AVEN: variants seen among roughly 807,000 people sequenced by gnomAD.
AVEN encodes the protein cell death regulator Aven.
In AVEN, 41 loss-of-function variants were observed where a neutral mutation model predicts 38.1. That is an observed-to-expected ratio of 1.08 (90% CI 0.84 to 1.40). The LOEUF is 1.40. Among genes scored for constraint, AVEN ranks in the 40% most tolerant of loss-of-function variants. The pLI, the probability that AVEN is intolerant of heterozygous loss-of-function variation, is 0.00. For missense variants in AVEN, 605 were observed against 438.8 expected (o/e 1.38, Z -3.38); for synonymous variants, 206 against 171.8 (o/e 1.20, Z -1.56).
rs569907934 is a variant in AVEN at position 33,899,560 on chromosome 15, C to A, written c.446-23565G>T. ...TCTCAGCTCACCGCAACCTCCGCCTCCCGGGTTCATGCCATTCTCCTGCTC... is the reference window on the plus strand; with the variant it reads ...TCTCAGCTCACCGCAACCTCCGCCTACCGGGTTCATGCCATTCTCCTGCTC... On this transcript the variant is annotated intron_variant, in intron 2 of 5. Coordinates refer to ENST00000306730, the MANE Select transcript of AVEN (RefSeq NM_020371.3). Among the ~76,000 whole-genome samples, 109 of 146,610 alleles carry A rather than the reference C, an allele frequency of 7.4e-4. 1 individual carries two copies. Among genetic ancestry groups the A allele is most frequent in the African/African-American group, 2.5e-3 (100 of 39,226 alleles).
chr15:33,937,293 G>C (rs1274494914), intron 2 of AVEN, among the ~76,000 whole-genome samples: 1 of 151,860 alleles, frequency 6.6e-6, no homozygotes, highest in African/African-American at 2.4e-5. Context: ...CCAGCACTTT[G>C]GGAGGCCGAG....
intron 2 of AVEN, among the ~76,000 whole-genome samples, chr15:33,983,209 T>C (rs919827472): frequency 0.28 from 10,312 of 36,956 alleles, 812 homozygotes; most frequent in African/African-American, 0.44. Context: ...TGTATATATA[T>C]ATATACATAT....
chr15:34,062,572 A>T, intron 5 of AVEN: 1 of 657,354 alleles, frequency 1.5e-6, no homozygotes. Flanking sequence ...AAAAAAAAAA[A>T]AACTATAAAC....
chr15:34,004,899 A>G (rs1180606715), intron 1 of AVEN, among the ~76,000 whole-genome samples: 2 of 152,166 alleles, frequency 1.3e-5, no homozygotes, highest in Non-Finnish European at 2.9e-5. Context: ...AACATTACAA[A>G]ATCCTTATCA....
chr15:33,948,163 T>C (rs1010212259), intron 2 of AVEN, among the ~76,000 whole-genome samples: 1 of 151,284 alleles, frequency 6.6e-6, no homozygotes, highest in Admixed American at 6.6e-5. Context: ...AGTGGCATGA[T>C]CTCGGCTCAC....
chr15:33,922,987 T>C (rs1178063862), intron 2 of AVEN, among the ~76,000 whole-genome samples: 1 of 152,216 alleles, frequency 6.6e-6, no homozygotes, highest in Non-Finnish European at 1.5e-5. Context: ...CTCATGTATA[T>C]GTGTATATAT....
Position 33,866,720 on chromosome 15 carries a change from T to C in AVEN, c.982A>G (p.Lys328Glu). The stretch of plus-strand genomic sequence containing the variant: ...TTTTTTTCTTCAGTCACAGATGGTT[T>C]TGCACAAACTGGGGGAAAAAAAACA... ...EVVQEEEVCAKPSVTEEKNME... is the reference protein window; with the variant it reads ...EVVQEEEVCAEPSVTEEKNME... Residue 328 changes from lysine (K) to glutamate (E), a missense_variant, in exon 6 of 6, where the codon AAA becomes GAA. Lys to Glu is a moderately conservative substitution (Grantham distance 56). Coordinates refer to ENST00000306730, the MANE Select transcript of AVEN (RefSeq NM_020371.3). 1 of 1,612,960 alleles carries C rather than the reference T, an allele frequency of 6.2e-7. No individual in the cohort carries two copies. The highest frequency in any genetic ancestry group is 8.5e-7 in the Non-Finnish European group (1 of 1,179,030).
At chr15:34,051,484 C>T (rs892044147) in intron 5 of AVEN, among the ~76,000 whole-genome samples, 3 of 152,084 alleles carry the variant, frequency 2.0e-5, no homozygotes, top group African/African-American at 7.2e-5. Flanking sequence ...CAAGAAATAA[C>T]TAAGATCAGA....
rs975023815 is a variant in AVEN at position 33,859,673 on chromosome 15, T to G, written n.2730-579A>C. 3.1e-6 allele frequency: 5 copies of G among 1,613,826 alleles called. No homozygotes were observed. In the African/African-American group the frequency reaches 4.0e-5, roughly 13 times the overall value. On this transcript the variant is annotated intron_variant and non_coding_transcript_variant, in intron 11 of 11. Transcript: ENST00000675287. Reference sequence around the variant, plus strand: ...GTGATCCTTATGAAATGTATCGCATTGTCTTTGACATTACCTTTTTCTTCT... The same window carrying G: ...GTGATCCTTATGAAATGTATCGCATGGTCTTTGACATTACCTTTTTCTTCT...
In AVEN at chr15:33,933,184, GGTT is replaced by G. The variant is rs1254751328; in HGVS notation, c.446-57192_446-57190del. Among the ~76,000 whole-genome samples, 15 of 152,240 alleles carry G rather than the reference GGTT, an allele frequency of 9.9e-5. No individual in the cohort carries two copies. In the East Asian group the frequency reaches 2.9e-3, roughly 29 times the overall value. On this transcript the variant is annotated intron_variant, in intron 2 of 5. Coordinates refer to ENST00000306730, the MANE Select transcript of AVEN (RefSeq NM_020371.3). ...ACGCTGGCAGCTCCAGTATCACAAA[GGTT>G]ATTATTATAGGTAGGTTACGACAAC...
chr15:34,073,191 C>A (rs974970300), intron 1 of AVEN, among the ~76,000 whole-genome samples: 1 of 151,064 alleles, frequency 6.6e-6, no homozygotes, highest in African/African-American at 2.4e-5. Flanking sequence ...CAGGCGCCCG[C>A]CACCTCGCCC....
intron 5 of AVEN, 44 bp from the exon 6 acceptor site, chr15:33,866,772 AAATTGAAGGTAT>A: frequency 7.2e-7 from 1 of 1,395,742 alleles, no homozygotes. Context: ...ATGAGTCCTA[AAATTGAAGGTAT>A]AATTCAGCCC....
chr15:34,022,675 A>T (rs1470319318), intron 1 of AVEN, among the ~76,000 whole-genome samples: 1 of 152,242 alleles, frequency 6.6e-6, no homozygotes, highest in East Asian at 1.9e-4. Flanking sequence ...TTGCATAAGT[A>T]TGAGATTATC....
intron 2 of AVEN, among the ~76,000 whole-genome samples, chr15:33,956,815 T>C (rs115501772): frequency 0.013 from 1,945 of 151,884 alleles, 45 homozygotes; most frequent in African/African-American, 0.044. Context: ...TTAAACTCTT[T>C]GGCACATGTT....
At chr15:33,915,356 G>C (rs117289820) in intron 2 of AVEN, among the ~76,000 whole-genome samples, 1,937 of 152,304 alleles carry the variant, frequency 0.013, 27 homozygotes, top group Non-Finnish European at 0.021. Flanking sequence ...CCCAGAGTGT[G>C]AAAGTGTGAA....
intron 1 of AVEN, among the ~76,000 whole-genome samples, chr15:34,031,104 A>G (rs1898771742): frequency 1.4e-5 from 1 of 70,670 alleles, no homozygotes; most frequent in African/African-American, 5.5e-5. Flanking sequence ...TAATAAGCCA[A>G]AAGAATACAT....
downstream of AVEN, among the ~76,000 whole-genome samples, chr15:33,863,177 A>T (rs1461271934): frequency 6.6e-6 from 1 of 152,076 alleles, no homozygotes; most frequent in East Asian, 1.9e-4. Context: ...GAAAGAACCC[A>T]ATTTTATTCG....
rs1386796636 is a variant in AVEN, at chr15:34,070,393, CG to C, written n.784+194del. On this transcript the variant is annotated intron_variant and non_coding_transcript_variant, in intron 2 of 11. Transcript: ENST00000675287. ...CTTTGTTTCTTTTTTTTTTTTAAAT[CG>C]AACTCTTTTAGCCATTTTTGTATCC... is the stretch of plus-strand genomic sequence containing the variant. Among the ~76,000 whole-genome samples the C allele has an allele frequency of 4.0e-5, 6 of 149,350 alleles. No homozygotes were observed. In the South Asian group the frequency reaches 6.4e-4, roughly 16 times the overall value.
chr15:33,859,573 A>G, intron 11 of AVEN: 1 of 1,613,858 alleles, frequency 6.2e-7, no homozygotes, highest in Non-Finnish European at 8.5e-7. Context: ...TTTCTTCTCT[A>G]GTGTTACCTT....
Sources: allele counts gnomAD v4.1 joint callset (sites outside exome capture counted in the v4.1 genomes callset), GRCh38; gene constraint gnomAD v4.1.1; transcripts MANE v1.5; gene names NCBI Gene and HGNC (gene_info 2026-07-23, HGNC 2026-07-21).